The following RIMBP2 variants were observed in gnomAD, a reference collection of about 807,000 sequenced individuals.
The protein encoded by RIMBP2 is RIMS-binding protein 2.
Under a neutral mutation model 118.6 loss-of-function variants are expected in RIMBP2, and 48 were observed. The ratio of observed to expected loss-of-function variants is 0.40; its 90% CI spans 0.32 to 0.51. RIMBP2 has a LOEUF of 0.51. Ranked by LOEUF, RIMBP2 falls within the 20% of genes least tolerant of loss-of-function variation. The pLI, the probability that RIMBP2 is intolerant of heterozygous loss-of-function variation, is 0.41. For missense variants in RIMBP2, 1,551 were observed against 1,768.3 expected, an observed-to-expected ratio of 0.88 and a Z score of 2.20; for synonymous variants, 762 against 742.9, an observed-to-expected ratio of 1.03 and a Z score of -0.42.
chr12:130,494,045 G>A (rs747504555), intron 4 of RIMBP2, among the ~76,000 whole-genome samples: 3 of 152,168 alleles, frequency 2.0e-5, no homozygotes, highest in Non-Finnish European at 2.9e-5. Context: ...AGCGTTGATC[G>A]GGTGAGGATA....
chr12:130,662,012 A>C (rs1172910622), intron 1 of RIMBP2, among the ~76,000 whole-genome samples: 1 of 152,152 alleles, frequency 6.6e-6, no homozygotes, highest in African/African-American at 2.4e-5. Context: ...GGGCTTACCT[A>C]CTTGGAGGGA....
In RIMBP2 at chr12:130,512,335, T is replaced by A. The variant is rs923901502; in HGVS notation, c.-127+5493A>T. ...CCTCAAAGTCCATTGCTTTCTTTTT[T>A]TTTTCTTGAGAGAGCCTCACTCTGT... On this transcript the variant is annotated intron_variant, in intron 3 of 22. Coordinates refer to ENST00000690449, the MANE Select transcript of RIMBP2 (RefSeq NM_001393629.1). 6.6e-5 allele frequency among the ~76,000 whole-genome samples: 10 copies of A among 151,898 alleles called. No individual in the cohort carries two copies. In the South Asian group the frequency reaches 1.3e-3, roughly 19 times the overall value.
intron 11 of RIMBP2, among the ~76,000 whole-genome samples, chr12:130,439,130 C>T (rs2077790712): frequency 6.6e-6 from 1 of 151,606 alleles, no homozygotes; most frequent in Admixed American, 6.6e-5. Flanking sequence ...TCCATTTCTG[C>T]GTGTGTGTGT....
intron 1 of RIMBP2, among the ~76,000 whole-genome samples, chr12:130,662,331 C>A (rs1264525688): frequency 3.3e-5 from 5 of 152,102 alleles, no homozygotes; most frequent in South Asian, 2.1e-4. Context: ...CCTAGGCCAG[C>A]CAGTTTCAGC....
chr12:130,656,885 G>C (rs969458823), intron 1 of RIMBP2, among the ~76,000 whole-genome samples: 1 of 151,934 alleles, frequency 6.6e-6, no homozygotes, highest in African/African-American at 2.4e-5. Context: ...CTCCAGCCTG[G>C]GCAACAGAAT....
Position 130,437,248 on chromosome 12 carries a change from T to C in RIMBP2, c.1700A>G (p.Glu567Gly). The change falls in exon 13 of 23, where the codon GAG becomes GGG. Residue 567 changes from glutamate to glycine, a missense_variant. Around this residue, in one of 5 missense-constraint regions of RIMBP2, gnomAD observed 1,038 missense variants for 1,125.1 expected, o/e 0.92. Transcript: ENST00000690449. ...IFPTADSTAV[E>G]LVRLRSLEAK... ...CTCCAGGCTCCGCAGCCGCACAAGCTCCACGGCCGTGCTGTCTGCCGTGGG... is the reference window on the plus strand; with the variant it reads ...CTCCAGGCTCCGCAGCCGCACAAGCCCCACGGCCGTGCTGTCTGCCGTGGG... 2 of 1,585,574 alleles carry C rather than the reference T, an allele frequency of 1.3e-6. No individual in the cohort carries two copies. The highest frequency in any genetic ancestry group is 1.7e-6 in the Non-Finnish European group (2 of 1,172,570).
intron 1 of RIMBP2, among the ~76,000 whole-genome samples, chr12:130,661,646 C>CAATG (rs1406288316): frequency 6.6e-6 from 1 of 152,174 alleles, no homozygotes; most frequent in African/African-American, 2.4e-5. Context: ...TAACTACACG[C>CAATG]AATGACCCTA....
At position 130,642,508 on chromosome 12, in the gene RIMBP2, C is replaced by T. The variant is rs190977951; in HGVS notation, c.-351-14052G>A. On this transcript the variant is annotated intron_variant, in intron 1 of 22. Coordinates refer to ENST00000690449, the MANE Select transcript of RIMBP2 (RefSeq NM_001393629.1). ...CCATGTTGGCCAGGCTGGTCTTGAA[C>T]TCCTGACCTCAGGTGATCTGCCCGC... 3.7e-3 allele frequency among the ~76,000 whole-genome samples: 570 copies of T among 152,316 alleles called. 4 individuals carry two copies. The highest frequency in any genetic ancestry group is 0.013 in the African/African-American group (533 of 41,564).
At chr12:130,461,070 G>A (rs377006383) in intron 6 of RIMBP2, among the ~76,000 whole-genome samples, 1 of 152,122 alleles carries the variant, frequency 6.6e-6, no homozygotes, top group Non-Finnish European at 1.5e-5. Flanking sequence ...CCATCCGCAC[G>A]ACCCAGCTAC....
chr12:130,467,532 CA>C (rs1219229017), intron 6 of RIMBP2, among the ~76,000 whole-genome samples: 1 of 152,212 alleles, frequency 6.6e-6, no homozygotes, highest in African/African-American at 2.4e-5. Context: ...TTAAAAACTC[CA>C]GTCTCCAAAT....
intron 4 of RIMBP2, among the ~76,000 whole-genome samples, chr12:130,496,597 G>C (rs2049184628): frequency 6.6e-6 from 1 of 152,108 alleles, no homozygotes; most frequent in Non-Finnish European, 1.5e-5. Context: ...GATACCTCAT[G>C]AAAGGCCACG....
rs2136439172 is a variant in RIMBP2 at position 130,670,152 on chromosome 12, G to T, written c.-351-41696C>A. Reference sequence around the variant, plus strand: ...AGACACTGGAGTGATGCTGCCAGGAGCCCAGGAATGCCTACGGTTGGGAGA... The same window carrying T: ...AGACACTGGAGTGATGCTGCCAGGATCCCAGGAATGCCTACGGTTGGGAGA... On this transcript the variant is annotated intron_variant, in intron 1 of 22. Transcript: ENST00000690449. The surrounding 1 kb of genome is among the most constrained non-coding windows in gnomAD (Gnocchi z 4.9). 6.6e-6 allele frequency among the ~76,000 whole-genome samples: 1 copy of T among 152,142 alleles called. No homozygotes were observed. The highest frequency in any genetic ancestry group is 1.9e-4 in the East Asian group (1 of 5,160).
At chr12:130,649,183 G>A (rs1480943360) in intron 1 of RIMBP2, among the ~76,000 whole-genome samples, 1 of 146,144 alleles carries the variant, frequency 6.8e-6, no homozygotes, top group Non-Finnish European at 1.6e-5. Flanking sequence ...CAACCGGAGG[G>A]ACAGAACCGT....
chr12:130,557,198 C>T (rs572328901), intron 2 of RIMBP2, among the ~76,000 whole-genome samples: 2 of 152,220 alleles, frequency 1.3e-5, no homozygotes, highest in East Asian at 3.9e-4. Flanking sequence ...GGGTAAAGCA[C>T]CTACAGGCCG....
At chr12:130,489,440 T>A (rs2048417321) in intron 4 of RIMBP2, among the ~76,000 whole-genome samples, 1 of 152,056 alleles carries the variant, frequency 6.6e-6, no homozygotes, top group African/African-American at 2.4e-5. Context: ...AGAGCTACAC[T>A]TCCCAGACGC....
At chr12:130,593,381 C>T (rs2059389402) in intron 2 of RIMBP2, among the ~76,000 whole-genome samples, 1 of 152,252 alleles carries the variant, frequency 6.6e-6, no homozygotes, top group African/African-American at 2.4e-5. Context: ...CAGTGCCCCG[C>T]ACAGGGAAGA....
chr12:130,505,303 A>T (rs1051486236), intron 4 of RIMBP2, among the ~76,000 whole-genome samples: 1 of 152,068 alleles, frequency 6.6e-6, no homozygotes, highest in African/African-American at 2.4e-5. Flanking sequence ...TTTCTAATTG[A>T]GATGGAATCC....
At chr12:130,639,895 A>C (rs1210883208) in intron 1 of RIMBP2, among the ~76,000 whole-genome samples, 1 of 152,246 alleles carries the variant, frequency 6.6e-6, no homozygotes, top group Non-Finnish European at 1.5e-5. Flanking sequence ...GATGTAAATC[A>C]ATAAAATAAT....
At position 130,451,225 on chromosome 12, in the gene RIMBP2, G is replaced by C. The variant is rs562917018; in HGVS notation, c.474C>G (p.Ser158=). The C allele has an allele frequency of 4.3e-6, 7 of 1,614,074 alleles. No homozygotes were observed. Among genetic ancestry groups the C allele is most frequent in the Non-Finnish European group, 5.9e-6 (7 of 1,179,970 alleles). The stretch of plus-strand genomic sequence containing the variant: ...ACTCAGATCTGCATCTTGCGCTACC[G>C]GATCTCGACAGGAAGGTGGGCTTGG... ...LSAKPTFLSR[S]GSARCRSESD... Residue 158 remains serine (S), a synonymous_variant, in exon 8 of 23, where the codon TCC becomes TCG. Coordinates refer to ENST00000690449, the MANE Select transcript of RIMBP2 (RefSeq NM_001393629.1).
Sources: allele counts gnomAD v4.1 joint callset (sites outside exome capture counted in the v4.1 genomes callset), GRCh38; gene constraint gnomAD v4.1.1; regional missense constraint gnomAD v4.1.1; non-coding constraint Gnocchi (gnomAD v3.1); transcripts MANE v1.5; gene names NCBI Gene and HGNC (gene_info 2026-07-23, HGNC 2026-07-21).